TMEM132D: variants seen among roughly 807,000 people sequenced by gnomAD.
TMEM132D encodes the protein transmembrane protein 132D.
Under a neutral mutation model 62.3 loss-of-function variants are expected in TMEM132D, and 21 were observed. The ratio of observed to expected loss-of-function variants is 0.34; its 90% CI spans 0.24 to 0.49. TMEM132D has a LOEUF of 0.49. Ranked by LOEUF, TMEM132D falls within the 20% of genes least tolerant of loss-of-function variation. The pLI is 0.99. For missense variants in TMEM132D, 1,346 were observed against 1,402.8 expected (o/e 0.96, Z 0.65); for synonymous variants, 621 against 575.6 (o/e 1.08, Z -1.13).
At chr12:129,467,780 G>A (rs1203560576) in intron 3 of TMEM132D, among the ~76,000 whole-genome samples, 1 of 152,272 alleles carries the variant, frequency 6.6e-6, no homozygotes, top group Admixed American at 6.5e-5. Flanking sequence ...GGAAATACAG[G>A]TTAGATCCAG....
intron 3 of TMEM132D, among the ~76,000 whole-genome samples, chr12:129,426,618 T>C (rs7956432): frequency 0.54 from 81,372 of 151,996 alleles, 22,093 homozygotes; most frequent in East Asian, 0.75. Flanking sequence ...GGTTAAGACA[T>C]TGGAGCAAGC....
At chr12:129,338,556 T>C (rs901886744) in intron 3 of TMEM132D, among the ~76,000 whole-genome samples, 2 of 152,186 alleles carry the variant, frequency 1.3e-5, no homozygotes, top group Non-Finnish European at 2.9e-5. Flanking sequence ...TGTCTGCTCT[T>C]CTATGTGACA....
chr12:129,815,378 TC>T (rs148621170), intron 1 of TMEM132D, among the ~76,000 whole-genome samples: 1,571 of 152,274 alleles, frequency 0.01, 20 homozygotes, highest in African/African-American at 0.036. Context: ...AATAAGTAAT[TC>T]CCTGCCACTT....
At chr12:129,482,415 G>A (rs1180635793) in intron 3 of TMEM132D, among the ~76,000 whole-genome samples, 1 of 152,186 alleles carries the variant, frequency 6.6e-6, no homozygotes, top group Non-Finnish European at 1.5e-5. Context: ...GCATATTGCA[G>A]CATCATATAC....
chr12:129,449,119 G>T (rs200461574), intron 3 of TMEM132D, among the ~76,000 whole-genome samples: 3 of 152,098 alleles, frequency 2.0e-5, no homozygotes, highest in African/African-American at 4.8e-5. Context: ...GTTCACAATG[G>T]GAATGGAGTA....
At chr12:129,496,719 C>T (rs1409125529) in intron 3 of TMEM132D, among the ~76,000 whole-genome samples, 3 of 151,830 alleles carry the variant, frequency 2.0e-5, no homozygotes, top group Non-Finnish European at 4.4e-5. Flanking sequence ...AATAAAAATG[C>T]AAAAGGCTTG....
intron 2 of TMEM132D, among the ~76,000 whole-genome samples, chr12:129,565,661 C>T (rs112419521): frequency 3.9e-5 from 6 of 152,290 alleles, no homozygotes; most frequent in African/African-American, 9.6e-5. Flanking sequence ...TCTTTCAGAG[C>T]GAACTGTCTC....
intron 1 of TMEM132D, among the ~76,000 whole-genome samples, chr12:129,800,374 GA>G (rs78320423): frequency 0.099 from 13,704 of 138,776 alleles, 615 homozygotes; most frequent in Non-Finnish European, 0.11. Flanking sequence ...AGCAGCAAAG[GA>G]AAAAAAAAAA....
In TMEM132D at chr12:129,827,853, T is replaced by A. The variant is rs939103606; in HGVS notation, c.79+75408A>T. Among the ~76,000 whole-genome samples, 4 of 152,166 alleles carry A rather than the reference T, an allele frequency of 2.6e-5. No homozygotes were observed. The highest frequency in any genetic ancestry group is 9.7e-5 in the African/African-American group (4 of 41,444). On this transcript the variant is annotated intron_variant, in intron 1 of 8. Transcript: ENST00000422113. The surrounding 1 kb of genome is among the most constrained non-coding windows in gnomAD (Gnocchi z 9.7). Reference sequence around the variant, plus strand: ...AGCACAGCCATTAAAAAATAAAATATGTATAAGCTGCCTGCTACAGCCACT... The same window carrying A: ...AGCACAGCCATTAAAAAATAAAATAAGTATAAGCTGCCTGCTACAGCCACT...
chr12:129,512,320 G>A (rs1372017623), intron 3 of TMEM132D, among the ~76,000 whole-genome samples: 1 of 152,196 alleles, frequency 6.6e-6, no homozygotes, highest in Non-Finnish European at 1.5e-5. Context: ...AAGATTTCTG[G>A]AGGAACTACT....
At chr12:129,273,369 G>C (rs987239549) in intron 4 of TMEM132D, among the ~76,000 whole-genome samples, 1 of 144,124 alleles carries the variant, frequency 6.9e-6, no homozygotes, top group Non-Finnish European at 1.5e-5. Flanking sequence ...ACTTAAAACA[G>C]AACTACCACT....
intron 2 of TMEM132D, among the ~76,000 whole-genome samples, chr12:129,652,581 G>A (rs1879958874): frequency 6.6e-6 from 1 of 152,188 alleles, no homozygotes; most frequent in Non-Finnish European, 1.5e-5. Context: ...CCACCCTGCT[G>A]GGTTTTAGGA....
intron 3 of TMEM132D, among the ~76,000 whole-genome samples, chr12:129,449,574 T>C (rs1047314840): frequency 3.3e-5 from 5 of 152,182 alleles, no homozygotes; most frequent in Non-Finnish European, 7.3e-5. Flanking sequence ...TCTCTGCACA[T>C]GAGTGTTTAC....
intron 1 of TMEM132D, among the ~76,000 whole-genome samples, chr12:129,811,645 G>A (rs1209626671): frequency 6.6e-6 from 1 of 151,236 alleles, no homozygotes; most frequent in Non-Finnish European, 1.5e-5. Context: ...GAAAGTTACC[G>A]AAGAGCTGAA....
At chr12:129,225,324 T>G (rs576391039) in intron 4 of TMEM132D, among the ~76,000 whole-genome samples, 9 of 152,338 alleles carry the variant, frequency 5.9e-5, no homozygotes, top group African/African-American at 2.2e-4. Context: ...GACAGGCACC[T>G]GGCCTGAGGG....
At chr12:129,441,389 C>T (rs1027870059) in intron 3 of TMEM132D, among the ~76,000 whole-genome samples, 2 of 152,126 alleles carry the variant, frequency 1.3e-5, no homozygotes, top group Non-Finnish European at 2.9e-5. Context: ...ACTGTTAAGG[C>T]CACTTGTGAA....
At chr12:129,485,066 G>A (rs543268698) in intron 3 of TMEM132D, among the ~76,000 whole-genome samples, 48 of 152,292 alleles carry the variant, frequency 3.2e-4, no homozygotes, top group Non-Finnish European at 5.3e-4. Flanking sequence ...GCTTGCAGGT[G>A]CAAGCACTGA....
At chr12:129,702,177 G>A (rs1054170416) in intron 1 of TMEM132D, among the ~76,000 whole-genome samples, 4 of 152,078 alleles carry the variant, frequency 2.6e-5, no homozygotes, top group African/African-American at 7.2e-5. Context: ...TCCAATCATC[G>A]GCATGACCAA....
chr12:129,580,679 A>C lies in TMEM132D; in HGVS notation c.969-49474T>G, dbSNP rs73439521. ...AGATCGCGCCACTGCACTCCAGTCT[A>C]GTGACAGGGTGATAATCCATCTCAA... On this transcript the variant is annotated intron_variant, in intron 2 of 8. Coordinates refer to ENST00000422113, the MANE Select transcript of TMEM132D (RefSeq NM_133448.3). 5.1e-3 allele frequency among the ~76,000 whole-genome samples: 782 copies of C among 152,130 alleles called. 8 individuals carry two copies. Among genetic ancestry groups the C allele is most frequent in the African/African-American group, 0.018 (741 of 41,516 alleles).
Sources: gnomAD v4.1 joint callset for allele counts (sites outside exome capture counted in the v4.1 genomes callset) on GRCh38, gnomAD v4.1.1 for gene constraint, Gnocchi (gnomAD v3.1) non-coding constraint, MANE v1.5 for transcripts, NCBI Gene and HGNC (gene_info 2026-07-23, HGNC 2026-07-21) for gene names.